The following ZNF599 variants were observed in gnomAD, a reference collection of about 807,000 sequenced individuals.
ZNF599 encodes the protein zinc finger protein 599.
A neutral mutation model predicts 11.7 loss-of-function variants in ZNF599; 10 were observed. That is an observed-to-expected ratio of 0.86 (90% CI 0.53 to 1.45). The LOEUF is 1.45. Ranked by LOEUF, ZNF599 falls within the 40% of genes most tolerant of loss-of-function variation. The pLI is 0.00. For synonymous variants in ZNF599, 232 were observed against 253.2 expected (o/e 0.92, Z 0.79); for missense variants, 688 against 713.6 (o/e 0.96, Z 0.41).
In ZNF599 at chr19:34,772,825, A is replaced by G. The variant is rs764120737; in HGVS notation, c.17T>C (p.Leu6Ser). 319 of 1,524,090 alleles carry G rather than the reference A, an allele frequency of 2.1e-4. No homozygotes were observed. The highest frequency in any genetic ancestry group is 2.6e-4 in the Non-Finnish European group (299 of 1,139,430). 94.4% of individuals were successfully genotyped at this position (1,524,090 alleles called of 1,614,324 possible). Residue 6 changes from leucine to serine, a missense_variant and splice_region_variant, in exon 1 of 4, where the codon TTG becomes TCG. Physicochemically the swap from Leu to Ser is moderately radical, Grantham distance 145. Transcript: ENST00000329285. MAAPALALVSFEDVVV... is the reference protein window; with the variant it reads MAAPASALVSFEDVVV... ...CGGGCTGCGGAACCCTCCACTCACCAACGCCGGCGCCGCCATGGGCCCAGG... is the reference window on the plus strand; with the variant it reads ...CGGGCTGCGGAACCCTCCACTCACCGACGCCGGCGCCGCCATGGGCCCAGG...
At chr19:34,799,230 A>G in the ZNF599 span, among the ~76,000 whole-genome samples, 3 of 152,050 alleles carry the variant, frequency 2.0e-5, no homozygotes, top group African/African-American at 7.2e-5. Flanking sequence ...CTGGAACTCC[A>G]TAGCTCAAGT....
At chr19:34,793,549 A>C in the ZNF599 span, among the ~76,000 whole-genome samples, 24 of 152,364 alleles carry the variant, frequency 1.6e-4, no homozygotes, top group Middle Eastern at 3.4e-3. Flanking sequence ...GTTTCCATCA[A>C]AATACAACAA....
chr19:34,765,658 AT>A (rs2145457077), intron 3 of ZNF599: 2 of 703,088 alleles, frequency 2.8e-6, no homozygotes, highest in East Asian at 5.4e-5. Flanking sequence ...GATAAGTCAG[AT>A]GAACATGAAT....
At chr19:34,762,277 C>T (rs1255748203) in intron 3 of ZNF599, among the ~76,000 whole-genome samples, 1 of 152,126 alleles carries the variant, frequency 6.6e-6, no homozygotes, top group Non-Finnish European at 1.5e-5. Flanking sequence ...CAAATTAGGA[C>T]CACAATGAGA....
chr19:34,763,413 C>A (rs1375974826), intron 3 of ZNF599: 2 of 152,224 alleles, frequency 1.3e-5, no homozygotes, highest in African/African-American at 4.8e-5. Flanking sequence ...GTAATCCCAG[C>A]ACTTTGGAAG....
intron 3 of ZNF599, among the ~76,000 whole-genome samples, chr19:34,762,044 G>A (rs1301372105): frequency 6.6e-6 from 1 of 152,162 alleles, no homozygotes; most frequent in Non-Finnish European, 1.5e-5. Context: ...GAAGACCATG[G>A]CGCCAGGAAG....
chr19:34,803,905 T>C, the ZNF599 span, among the ~76,000 whole-genome samples: 1 of 152,208 alleles, frequency 6.6e-6, no homozygotes, highest in Non-Finnish European at 1.5e-5. Flanking sequence ...CCAGATGTCA[T>C]AGATATTGCT....
At chr19:34,793,099 T>C in the ZNF599 span, among the ~76,000 whole-genome samples, 1 of 152,006 alleles carries the variant, frequency 6.6e-6, no homozygotes, top group Non-Finnish European at 1.5e-5. Context: ...CTCGATCTAG[T>C]GGAAGTTACT....
the ZNF599 span, among the ~76,000 whole-genome samples, chr19:34,780,844 CAAAGA>C: frequency 2.6e-5 from 4 of 151,370 alleles, no homozygotes; most frequent in Admixed American, 1.3e-4. Context: ...GAAGAAAAGT[CAAAGA>C]AAAGAAAAGA....
the ZNF599 span, among the ~76,000 whole-genome samples, chr19:34,807,072 A>G: frequency 6.6e-6 from 1 of 152,198 alleles, no homozygotes; most frequent in Admixed American, 6.5e-5. Context: ...GTGTACACAC[A>G]GCCCCCAGGC....
chr19:34,762,463 T>A (rs1294212362), intron 3 of ZNF599, among the ~76,000 whole-genome samples: 1 of 152,184 alleles, frequency 6.6e-6, no homozygotes, highest in Non-Finnish European at 1.5e-5. Context: ...GCTCATCTTA[T>A]AATCCAGAAA....
the ZNF599 span, among the ~76,000 whole-genome samples, chr19:34,805,070 T>C: frequency 6.6e-6 from 1 of 152,224 alleles, no homozygotes; most frequent in Non-Finnish European, 1.5e-5. Flanking sequence ...CTTTCTCTAA[T>C]AAATCTGCCT....
the ZNF599 span, among the ~76,000 whole-genome samples, chr19:34,790,140 T>C: frequency 3.3e-5 from 5 of 152,240 alleles, no homozygotes; most frequent in African/African-American, 1.2e-4. Context: ...TCAGTGCCTT[T>C]GTTAAAAATC....
In ZNF599 at chr19:34,759,615, CAT is replaced by C; in HGVS notation, c.1184_1185del (p.Tyr395Ter). 2 of 1,614,118 alleles carry C rather than the reference CAT, an allele frequency of 1.2e-6. No homozygotes were observed. Among genetic ancestry groups the C allele is most frequent in the Non-Finnish European group, 1.7e-6 (2 of 1,179,998 alleles). ...HMRIHTGEKP[Y>X]ECGECGKAFT... ...AAGGCCTTTCCACATTCACCGCACT[CAT>C]AGGGTTTCTCTCCAGTGTGAATCCT... On this transcript the variant is annotated frameshift_variant, in exon 4 of 4. Transcript: ENST00000329285. LOFTEE classifies it low-confidence loss of function (END_TRUNC).
At chr19:34,801,291 G>A in the ZNF599 span, among the ~76,000 whole-genome samples, 3 of 152,174 alleles carry the variant, frequency 2.0e-5, no homozygotes, top group African/African-American at 7.2e-5. Context: ...CTGTGTACAT[G>A]GACAGAGAAT....
Position 34,772,918 on chromosome 19 carries a change from G to A in ZNF599, c.-77C>T, listed in dbSNP as rs1294223722. ...GCGGGCTCGGCCGACCCCGGGCTCCGGCTCTGGGCTGCGAGGGACCTCAGT... is the reference window on the plus strand; with the variant it reads ...GCGGGCTCGGCCGACCCCGGGCTCCAGCTCTGGGCTGCGAGGGACCTCAGT... On this transcript the variant is annotated 5_prime_UTR_variant, in exon 1 of 4. Coordinates refer to ENST00000329285, the MANE Select transcript of ZNF599 (RefSeq NM_001007248.3). The A allele has an allele frequency of 2.9e-6, 4 of 1,382,764 alleles. No individual in the cohort carries two copies. The highest frequency in any genetic ancestry group is 3.7e-6 in the Non-Finnish European group (4 of 1,070,406). The allele number at this position is 1,382,764 out of a possible 1,614,324, so 85.7% of individuals were successfully genotyped here.
the ZNF599 span, among the ~76,000 whole-genome samples, chr19:34,786,103 G>A: frequency 6.6e-6 from 1 of 152,136 alleles, no homozygotes; most frequent in Non-Finnish European, 1.5e-5. Flanking sequence ...TCCCTGCTCA[G>A]TGCTGACAAA....
At chr19:34,803,589 A>G in the ZNF599 span, among the ~76,000 whole-genome samples, 2 of 152,044 alleles carry the variant, frequency 1.3e-5, no homozygotes, top group African/African-American at 4.8e-5. Context: ...AAGATCCAAA[A>G]CCCAGAGGAT....
At chr19:34,782,831 G>A in the ZNF599 span, among the ~76,000 whole-genome samples, 1 of 152,134 alleles carries the variant, frequency 6.6e-6, no homozygotes, top group African/African-American at 2.4e-5. Flanking sequence ...CCTGCCTCAG[G>A]GAAAACTCAA....
Sources: allele counts gnomAD v4.1 joint callset (sites outside exome capture counted in the v4.1 genomes callset), GRCh38; gene constraint gnomAD v4.1.1; transcripts MANE v1.5; gene names NCBI Gene and HGNC (gene_info 2026-07-23, HGNC 2026-07-21).